ABHD16A: variants seen among roughly 807,000 people sequenced by gnomAD.
The protein encoded by ABHD16A is abhydrolase domain containing 16A, phospholipase, also known as phosphatidylserine lipase ABHD16A.
ABHD16A carries 47 observed loss-of-function variants against 89.8 expected under a neutral mutation model. The observed-to-expected ratio is 0.52, with a 90% confidence interval of 0.41 to 0.67. ABHD16A has a LOEUF of 0.67. ABHD16A is among the 30% of genes least tolerant of loss of function. The probability of loss-of-function intolerance (pLI) is 0.00; values close to 1 mark genes in which losing one functional copy is unlikely to be tolerated. For synonymous variants in ABHD16A, 251 were observed against 280.4 expected, an observed-to-expected ratio of 0.90 and a Z score of 1.05; for missense variants, 580 against 734.6, an observed-to-expected ratio of 0.79 and a Z score of 2.43.
Position 31,690,470 on chromosome 6 carries a change from G to C in ABHD16A, c.907+69C>G. On this transcript the variant is annotated intron_variant, in intron 10 of 19. Transcript: ENST00000395952. This position sits in a 1 kb window ranked among gnomAD's most constrained non-coding sequence, Gnocchi z 4.1. Reference sequence around the variant, plus strand: ...AGAAAGCAGAGGCCAGGGGAGGTCAGGTCAGTGTGGGAGGCAGGGACATTC... The same window carrying C: ...AGAAAGCAGAGGCCAGGGGAGGTCACGTCAGTGTGGGAGGCAGGGACATTC... 2.6e-6 allele frequency: 4 copies of C among 1,540,490 alleles called. No individual in the cohort carries two copies. In the East Asian group the frequency reaches 6.7e-5, roughly 26 times the overall value.
chr6:31,695,694 G>A (rs550028601), intron 5 of ABHD16A, among the ~76,000 whole-genome samples: 1 of 151,344 alleles, frequency 6.6e-6, no homozygotes, highest in Admixed American at 6.6e-5. Context: ...TTGCACGCCA[G>A]CCTGGGCAAC....
chr6:31,696,999 C>T lies in ABHD16A; in HGVS notation c.378G>A (p.Gln126=). 7 of 1,613,094 alleles carry T rather than the reference C, an allele frequency of 4.3e-6. No individual in the cohort carries two copies. Among genetic ancestry groups the T allele is most frequent in the Non-Finnish European group, 5.9e-6 (7 of 1,180,028 alleles). The stretch of plus-strand genomic sequence containing the variant: ...GTGTTGCTTCCAAGATGGTGATGAA[C>T]TGCCGGTACTGGGGGTTGGTCCAGC... ...IGRWTNPQYR[Q]FITILEATHR... is the part of the protein sequence containing the mutation. Residue 126 remains glutamine, a synonymous_variant, in exon 5 of 20, where the codon CAG becomes CAA. Coordinates refer to ENST00000395952, the MANE Select transcript of ABHD16A (RefSeq NM_021160.3).
chr6:31,693,468 A>C lies in ABHD16A; in HGVS notation c.430-36T>G. On this transcript the variant is annotated intron_variant, in intron 5 of 19. Transcript: ENST00000395952. This position sits in a 1 kb window ranked among gnomAD's most constrained non-coding sequence, Gnocchi z 5.0. ...CACGAGAGGCAAAGGGGTACTGAGA[A>C]CTCAGGGGAGGCTCTCCTACCCACC... 1 of 1,605,820 alleles carries C rather than the reference A, an allele frequency of 6.2e-7. No individual in the cohort carries two copies. Among genetic ancestry groups the C allele is most frequent in the Non-Finnish European group, 8.5e-7 (1 of 1,174,446 alleles).
At position 31,690,400 on chromosome 6, in the gene ABHD16A, G is replaced by T; in HGVS notation, c.907+139C>A. On this transcript the variant is annotated intron_variant, in intron 10 of 19. Coordinates refer to ENST00000395952, the MANE Select transcript of ABHD16A (RefSeq NM_021160.3). The surrounding 1 kb of genome is among the most constrained non-coding windows in gnomAD (Gnocchi z 4.1). Reference sequence around the variant, plus strand: ...ATGTAAGGTTATCAAAGCAAATGGCGAGTGGACTTTTCCCTAAAGCTGAGA... The same window carrying T: ...ATGTAAGGTTATCAAAGCAAATGGCTAGTGGACTTTTCCCTAAAGCTGAGA... 1 of 931,748 alleles carries T rather than the reference G, an allele frequency of 1.1e-6. No individual in the cohort carries two copies. The highest frequency in any genetic ancestry group is 1.4e-5 in the South Asian group (1 of 69,380). The allele number at this position is 931,748 out of a possible 1,614,324, so 57.7% of individuals were successfully genotyped here. A position where few individuals can be genotyped will look rare whatever the true frequency, so the allele number is the denominator to read the frequency against.
At chr6:31,699,426 A>G (rs933655272) in intron 4 of ABHD16A, among the ~76,000 whole-genome samples, 30 of 150,724 alleles carry the variant, frequency 2.0e-4, no homozygotes, top group Admixed American at 1.8e-3. Flanking sequence ...AAAAAAAAAA[A>G]AAAGAAAACC....
At chr6:31,702,894 G>A (rs1451336745) in intron 1 of ABHD16A, 4 of 1,314,920 alleles carry the variant, frequency 3.0e-6, no homozygotes, top group African/African-American at 3.0e-5. Context: ...CGACACACAG[G>A]GTCGGGGGGA....
chr6:31,701,210 G>A, intron 3 of ABHD16A, 64 bp downstream of exon 3: 1 of 1,508,930 alleles, frequency 6.6e-7, no homozygotes, highest in African/African-American at 1.4e-5. Context: ...CCTCTTTAGG[G>A]AGCTGGCTCA....
At chr6:31,692,207 T>C (rs1803956338) in intron 7 of ABHD16A, 1 of 352,804 alleles carries the variant, frequency 2.8e-6, no homozygotes, top group East Asian at 4.3e-5. Context: ...CTATACATAA[T>C]AAGTAAATGC....
At position 31,688,941 on chromosome 6, in the gene ABHD16A, G is replaced by A. The variant is rs1224082462; in HGVS notation, c.1186+74C>T. On this transcript the variant is annotated intron_variant, in intron 13 of 19. Coordinates refer to ENST00000395952, the MANE Select transcript of ABHD16A (RefSeq NM_021160.3). The surrounding 1 kb of genome is among the most constrained non-coding windows in gnomAD (Gnocchi z 4.9). Reference sequence around the variant, plus strand: ...CGACTTACTCCCCACCCAAGAAAAGGGAGCCATCTCAGAACAGTTCCCAGT... The same window carrying A: ...CGACTTACTCCCCACCCAAGAAAAGAGAGCCATCTCAGAACAGTTCCCAGT... The A allele has an allele frequency of 6.8e-7, 1 of 1,475,176 alleles. No homozygotes were observed. Among genetic ancestry groups the A allele is most frequent in the Non-Finnish European group, 9.3e-7 (1 of 1,078,224 alleles). 91.4% of individuals were successfully genotyped at this position (1,475,176 alleles called of 1,614,324 possible). A position where few individuals can be genotyped will look rare whatever the true frequency, so the allele number is the denominator to read the frequency against.
At chr6:31,700,843 C>T in intron 4 of ABHD16A, 99 bp downstream of exon 4, 2 of 943,260 alleles carry the variant, frequency 2.1e-6, no homozygotes, top group Non-Finnish European at 3.4e-6. Context: ...ATGATTCCCT[C>T]TCGGAGGCCC....
Position 31,688,958 on chromosome 6 carries a change from G to C in ABHD16A, c.1186+57C>G. 6.5e-7 allele frequency: 1 copy of C among 1,536,370 alleles called. No homozygotes were observed. Among genetic ancestry groups the C allele is most frequent in the Non-Finnish European group, 8.9e-7 (1 of 1,123,440 alleles). ...AAGAAAAGGGAGCCATCTCAGAACA[G>C]TTCCCAGTTCCAGCCCACCCCTTCC... is the stretch of plus-strand genomic sequence containing the variant. On this transcript the variant is annotated intron_variant, in intron 13 of 19. Coordinates refer to ENST00000395952, the MANE Select transcript of ABHD16A (RefSeq NM_021160.3). This position sits in a 1 kb window ranked among gnomAD's most constrained non-coding sequence, Gnocchi z 4.9.
In ABHD16A at chr6:31,691,869, C is replaced by G. The variant is rs758681092; in HGVS notation, c.676G>C (p.Val226Leu). 3 of 1,611,600 alleles carry G rather than the reference C, an allele frequency of 1.9e-6. No homozygotes were observed. The highest frequency in any genetic ancestry group is 2.2e-5 in the South Asian group (2 of 90,912). The change falls in exon 8 of 20, where the codon GTG (valine) becomes CTG (leucine). Residue 226 changes from valine to leucine, a missense_variant. Transcript: ENST00000395952. ...ATGAGGGCCTTCTGCAGCAGGTACACAGAGCCTGGATACAGCATCCGGCGC... is the reference window on the plus strand; with the variant it reads ...ATGAGGGCCTTCTGCAGCAGGTACAGAGAGCCTGGATACAGCATCCGGCGC... The part of the protein sequence containing the change: ...LGRRMLYPGS[V>L]YLLQKALMPV...
intron 2 of ABHD16A, 113 bp downstream of exon 2, chr6:31,701,961 C>A: frequency 8.4e-7 from 1 of 1,189,762 alleles, no homozygotes; most frequent in Non-Finnish European, 1.2e-6. Flanking sequence ...GCTGCAGAGC[C>A]CAGGGCATCC....
chr6:31,688,774 G>C lies in ABHD16A; in HGVS notation c.1199C>G (p.Thr400Ser). 6.2e-7 allele frequency: 1 copy of C among 1,612,980 alleles called. No individual in the cohort carries two copies. The highest frequency in any genetic ancestry group is 8.5e-7 in the Non-Finnish European group (1 of 1,179,960). Reference protein sequence around the residue: ...VMPDSWRGLVTRTVRQHLNLN... With the variant: ...VMPDSWRGLVSRTVRQHLNLN... ...ATTGAGATGCTGCCTCACGGTCCTGGTCACCAGGCCCCCTAGAGTGGGATA... is the reference window on the plus strand; with the variant it reads ...ATTGAGATGCTGCCTCACGGTCCTGCTCACCAGGCCCCCTAGAGTGGGATA... The change falls in exon 14 of 20, where the codon ACC (threonine) becomes AGC (serine). Residue 400 changes from threonine (T) to serine (S), a missense_variant. Thr to Ser is a moderately conservative substitution (Grantham distance 58). Transcript: ENST00000395952. This position sits in a 1 kb window ranked among gnomAD's most constrained non-coding sequence, Gnocchi z 4.9.
chr6:31,697,427 A>G (rs1200548648), intron 4 of ABHD16A, among the ~76,000 whole-genome samples: 1 of 152,138 alleles, frequency 6.6e-6, no homozygotes, highest in African/African-American at 2.4e-5. Flanking sequence ...TTCTTCTCCA[A>G]TGTTTGCTTT....
chr6:31,694,377 G>A (rs1296729947), intron 5 of ABHD16A, among the ~76,000 whole-genome samples: 2 of 143,700 alleles, frequency 1.4e-5, no homozygotes, highest in Non-Finnish European at 3.0e-5. Flanking sequence ...GACGGCAGTG[G>A]GAGCTGTGTC....
Position 31,693,326 on chromosome 6 carries a change from G to A in ABHD16A, c.503+33C>T, listed in dbSNP as rs191757655. On this transcript the variant is annotated intron_variant, in intron 6 of 19. Coordinates refer to ENST00000395952, the MANE Select transcript of ABHD16A (RefSeq NM_021160.3). This position sits in a 1 kb window ranked among gnomAD's most constrained non-coding sequence, Gnocchi z 5.0. ...AGAGATTTTCTGGAATGGTTCTAAG[G>A]GGAGAGATACAGCAAAAGAACTGGG... 5.0e-6 allele frequency: 8 copies of A among 1,611,710 alleles called. No homozygotes were observed. Among genetic ancestry groups the A allele is most frequent in the Non-Finnish European group, 5.9e-6 (7 of 1,178,822 alleles).
At chr6:31,694,387 C>T (rs372429041) in intron 5 of ABHD16A, among the ~76,000 whole-genome samples, 17 of 77,708 alleles carry the variant, frequency 2.2e-4, no homozygotes, top group African/African-American at 3.2e-4. Context: ...GGAGCTGTGT[C>T]TTTTTTTTTT....
At chr6:31,691,753 T>TGGG in intron 8 of ABHD16A, 51 bp downstream of exon 8, 1 of 357,810 alleles carries the variant, frequency 2.8e-6, no homozygotes, top group Admixed American at 6.3e-5. Context: ...GCGGGGTGGG[T>TGGG]GGGGGTGAGA....
Sources: gnomAD v4.1 joint callset for allele counts (sites outside exome capture counted in the v4.1 genomes callset) on GRCh38, gnomAD v4.1.1 for gene constraint, Gnocchi (gnomAD v3.1) non-coding constraint, MANE v1.5 for transcripts, NCBI Gene and HGNC (gene_info 2026-07-23, HGNC 2026-07-21) for gene names.